CHI3L2: variants seen among roughly 807,000 people sequenced by gnomAD.
CHI3L2 encodes the protein chitinase 3 like 2.
Under a neutral mutation model 47.3 loss-of-function variants are expected in CHI3L2, and 47 were observed. The ratio of observed to expected loss-of-function variants is 0.99; its 90% confidence interval spans 0.79 to 1.27. The LOEUF (loss-of-function observed/expected upper bound fraction) is 1.27. Among genes scored for constraint, CHI3L2 ranks in the 50% most tolerant of loss-of-function variants. CHI3L2 has a pLI of 0.00. For synonymous variants in CHI3L2, 198 were observed against 169.9 expected, an observed-to-expected ratio of 1.17 and a Z score of -1.28; for missense variants, 497 against 462.1, an observed-to-expected ratio of 1.08 and a Z score of -0.69.
chr1:111,238,969 A>G, intron 8 of CHI3L2, 37 bp downstream of exon 8: 1 of 1,526,898 alleles, frequency 6.5e-7, no homozygotes, highest in Admixed American at 2.3e-5. Flanking sequence ...GCTCCCTGCC[A>G]TGTCTGGGTA....
At chr1:111,237,537 T>C (rs1229539335) in intron 7 of CHI3L2, among the ~76,000 whole-genome samples, 2 of 152,186 alleles carry the variant, frequency 1.3e-5, no homozygotes, top group Non-Finnish European at 1.5e-5. Context: ...TGATTTCTGG[T>C]TGGGGTTTTC....
At chr1:111,234,781 T>C (rs756138458) in intron 4 of CHI3L2, 126 bp from the exon 5 acceptor site, 1 of 865,458 alleles carries the variant, frequency 1.2e-6, no homozygotes, top group African/African-American at 1.7e-5. Flanking sequence ...GGGAAAGCAT[T>C]AGAATAGACA....
intron 6 of CHI3L2, 111 bp downstream of exon 6, chr1:111,235,874 G>A: frequency 6.5e-7 from 1 of 1,545,368 alleles, no homozygotes; most frequent in South Asian, 1.2e-5. Context: ...GAAGGTCATT[G>A]TCCTAACCCT....
At position 111,236,070 on chromosome 1, in the gene CHI3L2, T is replaced by C. The variant is rs144428915; in HGVS notation, c.652T>C (p.Trp218Arg). The C allele has an allele frequency of 1.2e-4, 199 of 1,614,210 alleles. 1 individual carries two copies. The African/African-American group carries it at 2.3e-3, about 19-fold the overall frequency. Residue 218 changes from tryptophan (W) to arginine (R), a missense_variant, in exon 7 of 11, where the codon TGG becomes CGG. Transcript: ENST00000369748. Reference sequence around the variant, plus strand: ...CCTGTCCTTTGACTTCCATGGGTCTTGGGAAAAGCCCCTTATCACTGGCCA... The same window carrying C: ...CCTGTCCTTTGACTTCCATGGGTCTCGGGAAAAGCCCCTTATCACTGGCCA... Reference protein sequence around the residue: ...NLLSFDFHGSWEKPLITGHNS... With the variant: ...NLLSFDFHGSREKPLITGHNS...
chr1:111,229,681 CAAAAAAAAAA>C (rs997929124), intron 1 of CHI3L2, 161 bp from the exon 2 acceptor site: 125 of 390,826 alleles, frequency 3.2e-4, no homozygotes, highest in South Asian at 2.3e-3. Flanking sequence ...GACTCCGTCT[CAAAAAAAAAA>C]AAAAAAAAAA....
intron 7 of CHI3L2, among the ~76,000 whole-genome samples, chr1:111,237,623 G>A (rs1659922918): frequency 6.6e-6 from 1 of 152,172 alleles, no homozygotes; most frequent in African/African-American, 2.4e-5. Context: ...AGGATAAGGA[G>A]ACATATCTTT....
chr1:111,237,263 C>G (rs1279687704), intron 7 of CHI3L2, among the ~76,000 whole-genome samples: 2 of 152,214 alleles, frequency 1.3e-5, no homozygotes, highest in East Asian at 1.9e-4. Flanking sequence ...TGTTTCAAAG[C>G]TAACCTAGAG....
chr1:111,239,937 A>T (rs185346008), intron 8 of CHI3L2, among the ~76,000 whole-genome samples: 178 of 152,342 alleles, frequency 1.2e-3, no homozygotes, highest in Non-Finnish European at 2.1e-3. Context: ...TAGCTAGTTA[A>T]ACAAGAGTTC....
chr1:111,232,007 A>G (rs1327255860), intron 4 of CHI3L2, among the ~76,000 whole-genome samples: 5 of 152,252 alleles, frequency 3.3e-5, no homozygotes. Flanking sequence ...CTAACATCTT[A>G]AAAAGTCCAG....
At chr1:111,230,582 T>A (rs1358267146) in intron 2 of CHI3L2, among the ~76,000 whole-genome samples, 160 bp from the exon 3 acceptor site, 1 of 152,038 alleles carries the variant, frequency 6.6e-6, no homozygotes, top group Non-Finnish European at 1.5e-5. Context: ...GGGGTCTGGG[T>A]ACTCAAGAGC....
chr1:111,228,498 C>T (rs959310059), intron 1 of CHI3L2, among the ~76,000 whole-genome samples: 2 of 152,218 alleles, frequency 1.3e-5, no homozygotes, highest in Admixed American at 1.3e-4. Flanking sequence ...AGGGTAGAGC[C>T]CGTAGGGAGG....
rs879136285 is a variant in CHI3L2, at chr1:111,229,947, A to C, written c.70+66A>C. 5.1e-6 allele frequency: 8 copies of C among 1,576,108 alleles called. No homozygotes were observed. The South Asian group carries it at 8.9e-5, about 18-fold the overall frequency. On this transcript the variant is annotated intron_variant, in intron 2 of 10. Coordinates refer to ENST00000369748, the MANE Select transcript of CHI3L2 (RefSeq NM_004000.3). ...TTGGGTGCTTTCATTTTTGATGTAC[A>C]GTTTCTTTTTCTGCTACATGCTTTT...
At chr1:111,232,928 C>T (rs879462886) in intron 4 of CHI3L2, among the ~76,000 whole-genome samples, 1 of 152,156 alleles carries the variant, frequency 6.6e-6, no homozygotes, top group Non-Finnish European at 1.5e-5. Context: ...CTTGCTATCT[C>T]TTCAACTTCA....
At chr1:111,239,960 A>G (rs568174911) in intron 8 of CHI3L2, among the ~76,000 whole-genome samples, 4 of 152,328 alleles carry the variant, frequency 2.6e-5, no homozygotes, top group African/African-American at 7.2e-5. Context: ...AAACAAGATA[A>G]CTATAACATT....
chr1:111,240,669 G>C lies in CHI3L2; in HGVS notation c.919-658G>C, dbSNP rs186791095. Among the ~76,000 whole-genome samples, 5 of 152,322 alleles carry C rather than the reference G, an allele frequency of 3.3e-5. No homozygotes were observed. In the East Asian group the frequency reaches 7.7e-4, roughly 23 times the overall value. On this transcript the variant is annotated intron_variant, in intron 8 of 10. Transcript: ENST00000369748. ...AGCACGAATGTAGTTCATCCAAAAA[G>C]AGTAATCCTAAATGGATTTTCTATG...
At chr1:111,243,181 A>C (rs1660112829) in intron 10 of CHI3L2, 36 bp from the exon 11 acceptor site, 1 of 455,900 alleles carries the variant, frequency 2.2e-6, no homozygotes, top group African/African-American at 2.0e-5. Context: ...CAGTTTACTG[A>C]GTTGGGCTTT....
rs1659835877 is a variant in CHI3L2 at position 111,234,994 on chromosome 1, A to G, written c.417A>G (p.Gly139=). 1.2e-6 allele frequency: 2 copies of G among 1,614,110 alleles called. No homozygotes were observed. The highest frequency in any genetic ancestry group is 1.1e-5 in the South Asian group (1 of 91,076). The change falls in exon 5 of 11, where the codon GGA becomes GGG. Residue 139 remains glycine (G), a synonymous_variant. Transcript: ENST00000369748. ...TTCTGAGGAACCATAACTTTGATGG[A>G]CTGGATGTAAGCTGGATCTACCCAG... The part of the protein sequence containing the change: ...ILFLRNHNFD[G]LDVSWIYPDQ...
rs1557709361 is a variant in CHI3L2 at position 111,235,708 on chromosome 1, G to GT, written c.551dup (p.Ser185IlefsTer8). 1.2e-6 allele frequency: 2 copies of GT among 1,614,212 alleles called. No individual in the cohort carries two copies. The highest frequency in any genetic ancestry group is 1.7e-6 in the Non-Finnish European group (2 of 1,180,012). On this transcript the variant is annotated frameshift_variant, in exon 6 of 11. Coordinates refer to ENST00000369748, the MANE Select transcript of CHI3L2 (RefSeq NM_004000.3). LOFTEE classifies it high-confidence loss of function. ...GGAAAGGCTTCTCTTGACTGCGGGC[G>GT]TATCTGCAGGGAGGCAAATGATTGA...
intron 5 of CHI3L2, 42 bp downstream of exon 5, chr1:111,235,099 G>T (rs746645086): frequency 2.5e-6 from 4 of 1,600,322 alleles, no homozygotes; most frequent in Non-Finnish European, 3.4e-6. Context: ...CAGATGCCAC[G>T]GTGTACTCAG....
Sources: gnomAD v4.1 joint callset for allele counts (sites outside exome capture counted in the v4.1 genomes callset) on GRCh38, gnomAD v4.1.1 for gene constraint, MANE v1.5 for transcripts, NCBI Gene and HGNC (gene_info 2026-07-23, HGNC 2026-07-21) for gene names.